The following LAMA2 variants were observed in gnomAD, a reference collection of about 807,000 sequenced individuals.
LAMA2 encodes laminin subunit alpha 2.
Under a neutral mutation model 364.8 loss-of-function variants are expected in LAMA2, and 269 were observed. The ratio of observed to expected loss-of-function variants is 0.74; its 90% CI spans 0.67 to 0.82. LAMA2 has a LOEUF of 0.82. Ranked by LOEUF, LAMA2 falls within the 40% of genes least tolerant of loss-of-function variation. The probability of loss-of-function intolerance (pLI) is 0.00; values close to 1 mark genes in which losing one functional copy is unlikely to be tolerated. For synonymous variants in LAMA2, 1,379 were observed against 1,370.6 expected (o/e 1.01, Z -0.14); for missense variants, 3,807 against 3,873.2 (o/e 0.98, Z 0.45).
Position 129,320,584 on chromosome 6 carries a change from A to G in LAMA2, c.4105A>G (p.Thr1369Ala), listed in dbSNP as rs1281806034. ...MEVAEQGRGT[T>A]MTPPADLIEK... ...GGTAGCTGAACAAGGACGTGGAACA[A>G]CAATGACTCCTCCAGCTGACTTGAT... Residue 1369 changes from threonine (T) to alanine (A), a missense_variant, in exon 28 of 65, where the codon ACA becomes GCA. Physicochemically the swap from Thr to Ala is moderately conservative, Grantham distance 58. Around this residue, in one of 3 missense-constraint regions of LAMA2, gnomAD observed 3,333 missense variants for 3,345.7 expected, o/e 1.00. Coordinates refer to ENST00000421865, the MANE Select transcript of LAMA2 (RefSeq NM_000426.4). The G allele has an allele frequency of 3.1e-6, 5 of 1,613,752 alleles. No individual in the cohort carries two copies. Among genetic ancestry groups the G allele is most frequent in the Non-Finnish European group, 4.2e-6 (5 of 1,179,710 alleles).
intron 18 of LAMA2, 73 bp from the exon 19 acceptor site, chr6:129,287,774 G>T (rs1269783888): frequency 1.7e-5 from 20 of 1,180,492 alleles, no homozygotes; most frequent in Non-Finnish European, 2.5e-5. Flanking sequence ...GAGAAGGGGA[G>T]AATGAAAAAT....
rs770617208 is a variant in LAMA2 at position 129,059,897 on chromosome 6, G to T, written c.396+1G>T. The T allele has an allele frequency of 5.5e-6, 8 of 1,461,306 alleles. No homozygotes were observed. In the Admixed American group the frequency reaches 8.4e-5, roughly 15 times the overall value. The allele number at this position is 1,461,306 out of a possible 1,614,324, so 90.5% of individuals were successfully genotyped here. A position where few individuals can be genotyped will look rare whatever the true frequency, so the allele number is the denominator to read the frequency against. ...GACAATTACCCTGGATTTACAGCAG[G>T]TATAGTTCCTCTTTTTTTGTCATTT... is the stretch of plus-strand genomic sequence containing the variant. On this transcript the variant is annotated splice_donor_variant, in intron 3 of 64. Transcript: ENST00000421865. LOFTEE classifies it high-confidence loss of function.
At chr6:129,486,369 G>T in intron 55 of LAMA2, 105 bp from the exon 56 acceptor site, 1 of 1,055,294 alleles carries the variant, frequency 9.5e-7, no homozygotes, top group Non-Finnish European at 1.5e-6. Context: ...AATTTCTCAG[G>T]TAAGATCTCA....
chr6:129,147,123 C>G, intron 6 of LAMA2, 75 bp downstream of exon 6: 1 of 951,162 alleles, frequency 1.1e-6, no homozygotes, highest in African/African-American at 1.6e-5. Flanking sequence ...TCTTTGCTGA[C>G]AGAGAACGCT....
chr6:129,209,379 A>C (rs534971369), intron 12 of LAMA2, among the ~76,000 whole-genome samples: 4 of 152,326 alleles, frequency 2.6e-5, no homozygotes, highest in African/African-American at 9.6e-5. Flanking sequence ...TGATGGATAG[A>C]ATAAGGGCTT....
intron 12 of LAMA2, among the ~76,000 whole-genome samples, chr6:129,216,101 T>C (rs552009478): frequency 8.7e-4 from 133 of 152,268 alleles, no homozygotes; most frequent in African/African-American, 3.0e-3. Context: ...GAGAATTTCG[T>C]TTTACAAATG....
chr6:129,100,765 G>C lies in LAMA2; in HGVS notation c.639+2350G>C, dbSNP rs191374453. Among the ~76,000 whole-genome samples the C allele has an allele frequency of 6.6e-5, 10 of 152,308 alleles. No individual in the cohort carries two copies. The East Asian group carries it at 1.9e-3, about 29-fold the overall frequency. On this transcript the variant is annotated intron_variant, in intron 4 of 64. Transcript: ENST00000421865. Reference sequence around the variant, plus strand: ...GCATAGAAAAAGACACAAGGAATTAGAAGACCTGGATTCTGGTACTGGTTC... The same window carrying C: ...GCATAGAAAAAGACACAAGGAATTACAAGACCTGGATTCTGGTACTGGTTC...
At chr6:128,910,255 C>A (rs1314423822) in intron 1 of LAMA2, among the ~76,000 whole-genome samples, 17 of 152,348 alleles carry the variant, frequency 1.1e-4, no homozygotes, top group South Asian at 4.1e-4. Context: ...TTCATTCTCC[C>A]CGTCACTTTC....
intron 1 of LAMA2, among the ~76,000 whole-genome samples, chr6:128,908,815 C>T (rs1391408960): frequency 7.8e-4 from 117 of 149,818 alleles, no homozygotes; most frequent in African/African-American, 2.7e-3. Context: ...GAATGTGTCC[C>T]AGAGATTCTG....
intron 1 of LAMA2, among the ~76,000 whole-genome samples, chr6:128,962,183 T>G (rs868066825): frequency 1.8e-5 from 2 of 113,922 alleles, no homozygotes; most frequent in Non-Finnish European, 3.5e-5. Flanking sequence ...TATATATATA[T>G]ATACACACAT....
chr6:129,399,472 G>T (rs2114688289), intron 37 of LAMA2, among the ~76,000 whole-genome samples: 1 of 152,260 alleles, frequency 6.6e-6, no homozygotes, highest in East Asian at 1.9e-4. Context: ...GAGTAGGGAG[G>T]GACTAAACAT....
chr6:129,312,070 A>T (rs1774261543), intron 22 of LAMA2, among the ~76,000 whole-genome samples: 1 of 152,186 alleles, frequency 6.6e-6, no homozygotes. Context: ...AAAATCAAAA[A>T]CAAATCTGAA....
chr6:128,940,613 A>G (rs1780092163), intron 1 of LAMA2, among the ~76,000 whole-genome samples: 2 of 152,218 alleles, frequency 1.3e-5, no homozygotes, highest in South Asian at 4.1e-4. Flanking sequence ...TGACTGAAAC[A>G]AAGAGTTCCA....
At chr6:128,921,879 C>G (rs1287976490) in intron 1 of LAMA2, among the ~76,000 whole-genome samples, 4 of 124,482 alleles carry the variant, frequency 3.2e-5, no homozygotes, top group African/African-American at 9.4e-5. Flanking sequence ...CACAACAGTC[C>G]CCAGAGTGTG....
Position 129,512,560 on chromosome 6 carries a change from T to C in LAMA2, c.8988+67T>C, listed in dbSNP as rs1374115820. On this transcript the variant is annotated intron_variant, in intron 63 of 64. Coordinates refer to ENST00000421865, the MANE Select transcript of LAMA2 (RefSeq NM_000426.4). Reference sequence around the variant, plus strand: ...ATTGTTGATGTGTAGATATCATCCATGTGTGGGAAACTCGAATATTTTGAA... The same window carrying C: ...ATTGTTGATGTGTAGATATCATCCACGTGTGGGAAACTCGAATATTTTGAA... 2.6e-6 allele frequency: 4 copies of C among 1,554,670 alleles called. No individual in the cohort carries two copies. In the African/African-American group the frequency reaches 4.1e-5, roughly 16 times the overall value.
intron 1 of LAMA2, among the ~76,000 whole-genome samples, chr6:128,978,140 T>A (rs936675191): frequency 3.3e-5 from 5 of 152,182 alleles, no homozygotes; most frequent in African/African-American, 1.2e-4. Context: ...CATTCTTACC[T>A]GTTAACCAAA....
At chr6:129,132,260 G>A (rs1370005341) in intron 4 of LAMA2, among the ~76,000 whole-genome samples, 8 of 150,592 alleles carry the variant, frequency 5.3e-5, no homozygotes, top group African/African-American at 2.0e-4. Context: ...TCCACCTCCC[G>A]GGTTCATGCC....
intron 43 of LAMA2, 113 bp from the exon 44 acceptor site, chr6:129,442,950 A>T: frequency 1.4e-6 from 1 of 720,206 alleles, no homozygotes; most frequent in Non-Finnish European, 2.4e-6. Context: ...TATAATTAGT[A>T]CCTGTTATGA....
At chr6:129,233,640 G>T (rs1204873350) in intron 12 of LAMA2, among the ~76,000 whole-genome samples, 3 of 152,118 alleles carry the variant, frequency 2.0e-5, no homozygotes, top group African/African-American at 2.4e-5. Context: ...GGTTGGTCTT[G>T]CTGTCTCAGG....
Sources: allele counts gnomAD v4.1 joint callset (sites outside exome capture counted in the v4.1 genomes callset), GRCh38; gene constraint gnomAD v4.1.1; regional missense constraint gnomAD v4.1.1; transcripts MANE v1.5; gene names NCBI Gene and HGNC (gene_info 2026-07-23, HGNC 2026-07-21).